Variants in GNA14 observed in about 807,000 individuals in gnomAD.
GNA14 encodes G protein subunit alpha 14.
GNA14 carries 50 observed loss-of-function variants against 42.0 expected under a neutral mutation model. The ratio of observed to expected loss-of-function variants is 1.19; its 90% CI spans 0.95 to 1.51. The LOEUF (loss-of-function observed/expected upper bound fraction) is 1.51, where lower values mean the gene tolerates loss of function less well. Ranked by LOEUF, GNA14 falls within the 40% of genes most tolerant of loss-of-function variation. The pLI, the probability that GNA14 is intolerant of heterozygous loss-of-function variation, is 0.00. For synonymous variants in GNA14, 173 were observed against 163.1 expected, an observed-to-expected ratio of 1.06 and a Z score of -0.46; for missense variants, 473 against 446.2, an observed-to-expected ratio of 1.06 and a Z score of -0.54.
intron 3 of GNA14, among the ~76,000 whole-genome samples, chr9:77,433,126 G>A (rs1171017258): frequency 6.6e-6 from 1 of 152,200 alleles, no homozygotes; most frequent in African/African-American, 2.4e-5. Context: ...TGACACTTCT[G>A]GCTTTCTTTC....
At chr9:77,502,692 C>T (rs2131744227) in intron 2 of GNA14, among the ~76,000 whole-genome samples, 1 of 152,326 alleles carries the variant, frequency 6.6e-6, no homozygotes, top group Non-Finnish European at 1.5e-5. Context: ...CTCTTGGTAC[C>T]TCTTCGTGGG....
intron 5 of GNA14, among the ~76,000 whole-genome samples, chr9:77,428,564 G>A (rs1425851080): frequency 6.6e-6 from 1 of 152,142 alleles, no homozygotes; most frequent in African/African-American, 2.4e-5. Context: ...GTTGGACTCA[G>A]GCACCAGGTT....
At chr9:77,524,667 G>A (rs1837406378) in intron 2 of GNA14, among the ~76,000 whole-genome samples, 1 of 152,088 alleles carries the variant, frequency 6.6e-6, no homozygotes, top group Admixed American at 6.5e-5. Flanking sequence ...ATCATTTTAT[G>A]ACCTAAGCAT....
chr9:77,470,295 C>T (rs1356791545), intron 2 of GNA14, among the ~76,000 whole-genome samples: 1 of 152,118 alleles, frequency 6.6e-6, no homozygotes, highest in Non-Finnish European at 1.5e-5. Context: ...AAAAGCAGCA[C>T]CCATCAGGTG....
chr9:77,459,404 C>CCT (rs1836066804), intron 2 of GNA14, among the ~76,000 whole-genome samples: 1 of 152,160 alleles, frequency 6.6e-6, no homozygotes. Context: ...CCAGTGCCCT[C>CCT]CTGCCTGGGT....
At chr9:77,555,040 T>A (rs946550283) in intron 1 of GNA14, among the ~76,000 whole-genome samples, 8 of 150,192 alleles carry the variant, frequency 5.3e-5, no homozygotes, top group South Asian at 2.1e-4. Context: ...TATTTTTTTT[T>A]AAAATGAAAA....
chr9:77,563,755 G>T (rs1460036122), intron 1 of GNA14, among the ~76,000 whole-genome samples: 1 of 152,010 alleles, frequency 6.6e-6, no homozygotes, highest in African/African-American at 2.4e-5. Flanking sequence ...CTTTCAAATG[G>T]TAACAATGAA....
intron 1 of GNA14, among the ~76,000 whole-genome samples, chr9:77,532,647 T>C (rs1481393936): frequency 6.6e-6 from 1 of 152,214 alleles, no homozygotes; most frequent in Non-Finnish European, 1.5e-5. Context: ...GTGAAAATTA[T>C]TGGTGACTGG....
chr9:77,497,744 C>T (rs1224567980), intron 2 of GNA14, among the ~76,000 whole-genome samples: 1 of 152,082 alleles, frequency 6.6e-6, no homozygotes, highest in Non-Finnish European at 1.5e-5. Context: ...TATTTATATA[C>T]ATATGCATAT....
chr9:77,445,764 C>A (rs1835807632), intron 2 of GNA14, among the ~76,000 whole-genome samples: 1 of 151,832 alleles, frequency 6.6e-6, no homozygotes, highest in African/African-American at 2.4e-5. Flanking sequence ...TTGTTTGGGC[C>A]AGTTAATTGT....
chr9:77,529,435 C>T (rs1446462717), intron 1 of GNA14, among the ~76,000 whole-genome samples, 182 bp from the exon 2 acceptor site: 2 of 152,186 alleles, frequency 1.3e-5, no homozygotes, highest in Non-Finnish European at 2.9e-5. Flanking sequence ...GCCCAAGCCT[C>T]ACGCAAGTGC....
chr9:77,454,991 C>A (rs1448216854), intron 2 of GNA14, among the ~76,000 whole-genome samples: 1 of 152,194 alleles, frequency 6.6e-6, no homozygotes, highest in African/African-American at 2.4e-5. Flanking sequence ...ACAAACTCAG[C>A]AGCTTGAAAC....
chr9:77,488,581 C>T (rs1836699410), intron 2 of GNA14, among the ~76,000 whole-genome samples: 2 of 152,020 alleles, frequency 1.3e-5, no homozygotes, highest in African/African-American at 4.8e-5. Flanking sequence ...TGGGCACAAA[C>T]ACCTAGTGAG....
chr9:77,538,785 A>G (rs1837627384), intron 1 of GNA14, among the ~76,000 whole-genome samples: 1 of 152,134 alleles, frequency 6.6e-6, no homozygotes, highest in African/African-American at 2.4e-5. Flanking sequence ...TTTGTGTCCT[A>G]TAACTTTAGG....
intron 2 of GNA14, among the ~76,000 whole-genome samples, chr9:77,484,287 T>C (rs1172379642): frequency 6.6e-6 from 1 of 151,680 alleles, no homozygotes; most frequent in African/African-American, 2.4e-5. Flanking sequence ...TTAAGAGGAG[T>C]TTTATAATTC....
chr9:77,520,465 A>C lies in GNA14; in HGVS notation c.309+8604T>G, dbSNP rs181863672. On this transcript the variant is annotated intron_variant, in intron 2 of 6. Coordinates refer to ENST00000341700, the MANE Select transcript of GNA14 (RefSeq NM_004297.4). ...ATCTAACGAGCATGTTCCTAGCATCACTGATAATGATTCTAACATTCACAA... is the reference window on the plus strand; with the variant it reads ...ATCTAACGAGCATGTTCCTAGCATCCCTGATAATGATTCTAACATTCACAA... Among the ~76,000 whole-genome samples, 33 of 152,324 alleles carry C rather than the reference A, an allele frequency of 2.2e-4. No homozygotes were observed. The East Asian group carries it at 5.8e-3, about 27-fold the overall frequency.
At chr9:77,475,377 G>C (rs938308965) in intron 2 of GNA14, among the ~76,000 whole-genome samples, 4 of 152,170 alleles carry the variant, frequency 2.6e-5, no homozygotes, top group African/African-American at 4.8e-5. Flanking sequence ...ACTTGAAAAG[G>C]CTTAGTTGGA....
chr9:77,615,712 C>CAG (rs1391785168), intron 1 of GNA14, among the ~76,000 whole-genome samples: 12 of 109,174 alleles, frequency 1.1e-4, no homozygotes, highest in Non-Finnish European at 2.0e-4. Flanking sequence ...TACACACACA[C>CAG]ACACACACAC....
chr9:77,646,725 C>A (rs1281239211), intron 1 of GNA14, among the ~76,000 whole-genome samples: 1 of 152,188 alleles, frequency 6.6e-6, no homozygotes, highest in Non-Finnish European at 1.5e-5. Context: ...CAGCTGATAT[C>A]ATGGTCTGAA....
Sources: allele counts gnomAD v4.1 joint callset (sites outside exome capture counted in the v4.1 genomes callset), GRCh38; gene constraint gnomAD v4.1.1; transcripts MANE v1.5; gene names NCBI Gene and HGNC (gene_info 2026-07-23, HGNC 2026-07-21).